Variants in USP34 observed in about 807,000 individuals in gnomAD.
USP34 encodes ubiquitin specific peptidase 34.
A neutral mutation model predicts 460.3 loss-of-function variants in USP34; 70 were observed. That is an observed-to-expected ratio of 0.15 (90% confidence interval 0.13 to 0.19). USP34 has a LOEUF of 0.19. USP34 is among the 10% of genes least tolerant of loss of function. USP34 has a pLI of 1.00. For synonymous variants in USP34, 1,647 were observed against 1,405.3 expected, an observed-to-expected ratio of 1.17 and a Z score of -3.85; for missense variants, 3,985 against 4,236.2, an observed-to-expected ratio of 0.94 and a Z score of 1.65.
chr2:61,306,842 T>C (rs903098848), intron 27 of USP34, among the ~76,000 whole-genome samples: 7 of 152,214 alleles, frequency 4.6e-5, no homozygotes, highest in South Asian at 2.1e-4. Flanking sequence ...TGTGGAGAAA[T>C]AGGAACACTA....
intron 5 of USP34, among the ~76,000 whole-genome samples, chr2:61,388,474 A>T (rs960535184): frequency 6.7e-6 from 1 of 148,518 alleles, no homozygotes; most frequent in African/African-American, 2.5e-5. Context: ...AAAAAAAAAA[A>T]GATTGGGCAT....
At chr2:61,344,099 A>G in intron 15 of USP34, 70 bp from the exon 16 acceptor site, 1 of 1,429,988 alleles carries the variant, frequency 7.0e-7, no homozygotes, top group Non-Finnish European at 9.7e-7. Flanking sequence ...CACAAAAAAT[A>G]CCTCTCTTAA....
intron 48 of USP34, among the ~76,000 whole-genome samples, chr2:61,249,260 T>G (rs1445614660): frequency 6.6e-6 from 1 of 152,204 alleles, no homozygotes; most frequent in Admixed American, 6.5e-5. Flanking sequence ...TTTGGTGCCA[T>G]TAAGTAAAAT....
intron 25 of USP34, 38 bp from the exon 26 acceptor site, chr2:61,311,948 A>T (rs763840976): frequency 2.5e-6 from 4 of 1,596,608 alleles, no homozygotes; most frequent in African/African-American, 2.7e-5. Context: ...AAAGGATACC[A>T]TTTTAAACCA....
chr2:61,365,457 G>T (rs1047513910), intron 10 of USP34, among the ~76,000 whole-genome samples: 1 of 151,948 alleles, frequency 6.6e-6, no homozygotes, highest in Non-Finnish European at 1.5e-5. Flanking sequence ...TTGCCAGCAG[G>T]AAATGAGGAG....
intron 47 of USP34, 89 bp downstream of exon 47, chr2:61,256,784 T>C: frequency 1.0e-6 from 1 of 1,004,334 alleles, no homozygotes; most frequent in Non-Finnish European, 1.4e-6. Context: ...ATGAAAAAAG[T>C]TTAAAAATAT....
intron 34 of USP34, among the ~76,000 whole-genome samples, chr2:61,287,095 A>G (rs1167125084): frequency 6.6e-6 from 1 of 152,210 alleles, no homozygotes; most frequent in Non-Finnish European, 1.5e-5. Context: ...TGTACTCTGC[A>G]TATATTTCGT....
At chr2:61,234,075 G>A (rs535708351) in intron 57 of USP34, among the ~76,000 whole-genome samples, 1 of 152,282 alleles carries the variant, frequency 6.6e-6, no homozygotes, top group South Asian at 2.1e-4. Flanking sequence ...TATTGAAGTT[G>A]AGGAACAGGT....
At chr2:61,207,949 G>A (rs1446634639) in intron 70 of USP34, 1 of 152,032 alleles carries the variant, frequency 6.6e-6, no homozygotes, top group Non-Finnish European at 1.5e-5. Context: ...GAATTCTTAT[G>A]GTACTCTTGG....
At chr2:61,364,274 G>T (rs1216929860) in intron 10 of USP34, among the ~76,000 whole-genome samples, 6 of 152,164 alleles carry the variant, frequency 3.9e-5, no homozygotes, top group Non-Finnish European at 8.8e-5. Flanking sequence ...AGGCCAGAGG[G>T]TCACTTGAGC....
chr2:61,245,629 T>C (rs537436512), intron 50 of USP34, among the ~76,000 whole-genome samples: 62 of 151,478 alleles, frequency 4.1e-4, no homozygotes, highest in Admixed American at 1.6e-3. Flanking sequence ...AAATTTATGA[T>C]CAAAAAAAGA....
At chr2:61,448,553 C>T (rs910063081) in intron 1 of USP34, among the ~76,000 whole-genome samples, 1 of 152,152 alleles carries the variant, frequency 6.6e-6, no homozygotes. Flanking sequence ...TTGATAACCA[C>T]TGATCAAGCC....
At chr2:61,457,067 G>A (rs1466522482) in intron 1 of USP34, among the ~76,000 whole-genome samples, 3 of 152,078 alleles carry the variant, frequency 2.0e-5, no homozygotes, top group Non-Finnish European at 4.4e-5. Context: ...TTTGAGCCCA[G>A]GAGTTCAAGA....
At chr2:61,423,964 C>G (rs1395527272) in intron 1 of USP34, among the ~76,000 whole-genome samples, 1 of 151,934 alleles carries the variant, frequency 6.6e-6, no homozygotes, top group Middle Eastern at 3.2e-3. Flanking sequence ...TCTTAAAAAA[C>G]AAACAACAAA....
intron 41 of USP34, among the ~76,000 whole-genome samples, chr2:61,267,917 G>T (rs1032107656): frequency 2.0e-5 from 3 of 151,972 alleles, no homozygotes; most frequent in African/African-American, 7.3e-5. Flanking sequence ...ACCGCACCCA[G>T]TTAATTTTTT....
chr2:61,230,171 T>G (rs1307864137), intron 58 of USP34, among the ~76,000 whole-genome samples: 1 of 152,110 alleles, frequency 6.6e-6, no homozygotes, highest in Non-Finnish European at 1.5e-5. Context: ...TGCTGAAGAT[T>G]ATGGTGAAAT....
At chr2:61,206,539 C>T (rs1250057837) in intron 71 of USP34, among the ~76,000 whole-genome samples, 1 of 152,154 alleles carries the variant, frequency 6.6e-6, no homozygotes, top group African/African-American at 2.4e-5. Context: ...AATCTTGATA[C>T]CTGCTTGCGT....
chr2:61,406,442 A>AAT (rs1325779283), intron 2 of USP34, among the ~76,000 whole-genome samples: 4 of 152,302 alleles, frequency 2.6e-5, no homozygotes, highest in African/African-American at 7.2e-5. Flanking sequence ...TCAAGTACTC[A>AAT]ATATATGTTT....
intron 4 of USP34, 60 bp downstream of exon 4, chr2:61,395,123 A>T (rs1282325707): frequency 5.5e-6 from 8 of 1,449,272 alleles, no homozygotes; most frequent in Admixed American, 2.2e-5. Context: ...AAACATATGG[A>T]TGAGGCTTTG....
Sources: allele counts gnomAD v4.1 joint callset (sites outside exome capture counted in the v4.1 genomes callset), GRCh38; gene constraint gnomAD v4.1.1; transcripts MANE v1.5; gene names NCBI Gene and HGNC (gene_info 2026-07-23, HGNC 2026-07-21).